Variants in PCDH15 observed in about 807,000 individuals in gnomAD.
PCDH15 encodes the protein protocadherin-15.
In PCDH15, 129 loss-of-function variants were observed where a neutral mutation model predicts 178.5. That is an observed-to-expected ratio of 0.72 (90% CI 0.63 to 0.84). The LOEUF (loss-of-function observed/expected upper bound fraction) is 0.84. Ranked by LOEUF, PCDH15 falls within the 40% of genes least tolerant of loss-of-function variation. PCDH15 has a pLI of 0.00. For missense variants in PCDH15, 2,230 were observed against 2,099.9 expected (o/e 1.06, Z -1.21); for synonymous variants, 800 against 732.0 (o/e 1.09, Z -1.50).
At chr10:54,860,525 A>G (rs1253496385) in intron 3 of PCDH15, among the ~76,000 whole-genome samples, 1 of 152,170 alleles carries the variant, frequency 6.6e-6, no homozygotes, top group Non-Finnish European at 1.5e-5. Context: ...GTATAGATGT[A>G]CAACATTTTC....
chr10:54,698,060 A>C (rs2095259809), intron 1 of PCDH15, among the ~76,000 whole-genome samples: 1 of 152,076 alleles, frequency 6.6e-6, no homozygotes, highest in Non-Finnish European at 1.5e-5. Flanking sequence ...AGGAGAAACA[A>C]GTCCATGTTT....
At chr10:54,100,811 C>T (rs1199738103) in intron 15 of PCDH15, among the ~76,000 whole-genome samples, 6 of 152,020 alleles carry the variant, frequency 3.9e-5, no homozygotes, top group East Asian at 3.9e-4. Flanking sequence ...ATCAAATTCC[C>T]GGCAACCACT....
At chr10:54,073,020 A>G (rs556603561) in intron 17 of PCDH15, among the ~76,000 whole-genome samples, 6 of 152,284 alleles carry the variant, frequency 3.9e-5, no homozygotes, top group African/African-American at 1.2e-4. Flanking sequence ...GTCCAAACAC[A>G]TATTTATACA....
At chr10:55,272,406 T>G (rs1004487624) in intron 1 of PCDH15, among the ~76,000 whole-genome samples, 2 of 151,062 alleles carry the variant, frequency 1.3e-5, no homozygotes, top group African/African-American at 4.9e-5. Flanking sequence ...ATTTTCTTAT[T>G]TATTTTATTT....
intron 8 of PCDH15, among the ~76,000 whole-genome samples, chr10:54,251,439 T>G (rs1472797691): frequency 6.6e-6 from 1 of 152,202 alleles, no homozygotes. Context: ...ACAAACTAAT[T>G]ACATTTTTAT....
chr10:54,418,207 G>A (rs1471824211), intron 3 of PCDH15, among the ~76,000 whole-genome samples: 2 of 152,098 alleles, frequency 1.3e-5, no homozygotes, highest in Non-Finnish European at 2.9e-5. Flanking sequence ...CAGAGTACTT[G>A]AATGGTACAG....
chr10:54,834,660 A>T (rs978647218), intron 3 of PCDH15, among the ~76,000 whole-genome samples: 2 of 152,198 alleles, frequency 1.3e-5, no homozygotes, highest in Non-Finnish European at 2.9e-5. Context: ...TTAAGGTATA[A>T]TATTGAAACA....
At chr10:54,426,250 T>G (rs900937479) in intron 3 of PCDH15, among the ~76,000 whole-genome samples, 2 of 152,164 alleles carry the variant, frequency 1.3e-5, no homozygotes, top group Non-Finnish European at 2.9e-5. Flanking sequence ...CCCCAACCTC[T>G]TTGGTACCAG....
chr10:53,980,186 A>G (rs918602593), intron 21 of PCDH15, among the ~76,000 whole-genome samples: 2 of 149,048 alleles, frequency 1.3e-5, no homozygotes, highest in Admixed American at 6.8e-5. Flanking sequence ...ACACCACTAC[A>G]CTCCAGCCTG....
intron 8 of PCDH15, among the ~76,000 whole-genome samples, chr10:54,297,373 G>T (rs1164557249): frequency 1.3e-5 from 2 of 152,122 alleles, no homozygotes; most frequent in East Asian, 3.9e-4. Context: ...ATGGCCACCC[G>T]AGGGAAGTAT....
At chr10:55,509,956 G>T (rs1230564695) in intron 2 of PCDH15, among the ~76,000 whole-genome samples, 1 of 151,866 alleles carries the variant, frequency 6.6e-6, no homozygotes, top group Non-Finnish European at 1.5e-5. Flanking sequence ...TTGACAAATG[G>T]CTTTGCAGTT....
intron 1 of PCDH15, among the ~76,000 whole-genome samples, chr10:55,174,953 A>G (rs1839436677): frequency 6.6e-6 from 1 of 152,178 alleles, no homozygotes; most frequent in South Asian, 2.1e-4. Context: ...TAACCCAAGC[A>G]TTTGAAATCT....
intron 2 of PCDH15, among the ~76,000 whole-genome samples, chr10:55,493,315 G>C (rs568163769): frequency 1.6e-4 from 25 of 151,578 alleles, no homozygotes; most frequent in African/African-American, 5.8e-4. Context: ...CAATGCTTTG[G>C]GAGGACAAGG....
chr10:55,626,703 A>G (rs2132177919), intron 2 of PCDH15, among the ~76,000 whole-genome samples: 1 of 152,320 alleles, frequency 6.6e-6, no homozygotes, highest in Admixed American at 6.5e-5. Context: ...TCCTGTTATT[A>G]GCTAATGTGT....
intron 3 of PCDH15, among the ~76,000 whole-genome samples, chr10:54,465,726 A>G (rs1405716086): frequency 6.6e-6 from 1 of 151,990 alleles, no homozygotes; most frequent in Non-Finnish European, 1.5e-5. Context: ...TCTTTTTGAT[A>G]TACTGATTTC....
At chr10:54,571,432 G>T (rs1312211429) in intron 2 of PCDH15, among the ~76,000 whole-genome samples, 4 of 150,876 alleles carry the variant, frequency 2.7e-5, no homozygotes. Context: ...CAGTATTTCA[G>T]TATCTGGTAA....
At chr10:55,019,826 A>AGTGGAATT (rs1840278096) in intron 2 of PCDH15, among the ~76,000 whole-genome samples, 1 of 152,138 alleles carries the variant, frequency 6.6e-6, no homozygotes, top group Non-Finnish European at 1.5e-5. Flanking sequence ...AGTATGTTGA[A>AGTGGAATT]GTGGAATTAT....
At chr10:55,210,142 C>T (rs1028871438) in intron 1 of PCDH15, among the ~76,000 whole-genome samples, 3 of 151,230 alleles carry the variant, frequency 2.0e-5, no homozygotes, top group African/African-American at 7.3e-5. Flanking sequence ...AAATGAGATC[C>T]AGAAAAAAAA....
In PCDH15 at chr10:55,222,395, G is replaced by A. The variant is rs74136395; in HGVS notation, c.-155-55744C>T. 3.6e-3 allele frequency among the ~76,000 whole-genome samples: 551 copies of A among 151,944 alleles called. 2 individuals carry two copies. Among genetic ancestry groups the A allele is most frequent in the African/African-American group, 0.013 (535 of 41,366 alleles). ...CACAAAAATACATGTCAAACTTTGT[G>A]TTAGACTTGCATTTAATATATATCT... is the stretch of plus-strand genomic sequence containing the variant. On this transcript the variant is annotated intron_variant, in intron 1 of 5. Coordinates refer to the PCDH15 transcript ENST00000458638.
Sources: gnomAD v4.1 joint callset for allele counts (sites outside exome capture counted in the v4.1 genomes callset) on GRCh38, gnomAD v4.1.1 for gene constraint, MANE v1.5 for transcripts, NCBI Gene and HGNC (gene_info 2026-07-23, HGNC 2026-07-21) for gene names.